The following STAC variants were observed in gnomAD, a reference collection of about 807,000 sequenced individuals.
STAC encodes SH3 and cysteine rich domain, also known as SH3 and cysteine-rich domain-containing protein.
Under a neutral mutation model 48.8 loss-of-function variants are expected in STAC, and 43 were observed. The observed-to-expected ratio is 0.88, with a 90% CI of 0.69 to 1.14. The LOEUF (loss-of-function observed/expected upper bound fraction) is 1.14, where lower values mean the gene tolerates loss of function less well. Ranked by LOEUF, STAC falls within the 50% of genes most tolerant of loss-of-function variation. The pLI is 0.00. For missense variants in STAC, 497 were observed against 504.0 expected, an observed-to-expected ratio of 0.99 and a Z score of 0.13; for synonymous variants, 193 against 179.5, an observed-to-expected ratio of 1.07 and a Z score of -0.60.
intron 1 of STAC, among the ~76,000 whole-genome samples, chr3:36,387,535 T>G (rs911787949): frequency 2.0e-5 from 3 of 152,106 alleles, no homozygotes; most frequent in African/African-American, 7.2e-5. Flanking sequence ...TTCCTTTTTA[T>G]CTATATGAAT....
intron 10 of STAC, 46 bp downstream of exon 10, chr3:36,529,031 T>G (rs1031372153): frequency 1.3e-6 from 2 of 1,529,884 alleles, no homozygotes; most frequent in African/African-American, 2.8e-5. Context: ...CCAAATAGGG[T>G]GTCATTTTAA....
chr3:36,491,562 G>T (rs1559511825), intron 5 of STAC, among the ~76,000 whole-genome samples: 1 of 151,894 alleles, frequency 6.6e-6, no homozygotes, highest in Non-Finnish European at 1.5e-5. Context: ...TTTCTGCTGT[G>T]TCATGATAGT....
chr3:36,467,274 A>G (rs1389929522), intron 2 of STAC, among the ~76,000 whole-genome samples: 1 of 152,050 alleles, frequency 6.6e-6, no homozygotes, highest in Non-Finnish European at 1.5e-5. Flanking sequence ...TTTTGCATCT[A>G]TATTCATCAG....
chr3:36,496,309 T>C (rs1018948753), intron 6 of STAC, among the ~76,000 whole-genome samples: 5 of 152,246 alleles, frequency 3.3e-5, no homozygotes, highest in Non-Finnish European at 7.3e-5. Flanking sequence ...GTCCTGTCCA[T>C]GCAGTTTGAG....
intron 1 of STAC, among the ~76,000 whole-genome samples, chr3:36,434,604 T>A (rs994060496): frequency 1.3e-5 from 2 of 152,192 alleles, no homozygotes; most frequent in Admixed American, 6.5e-5. Context: ...TGAGTTGATA[T>A]GGTGACTGTG....
At chr3:36,394,712 C>T (rs1699821186) in intron 1 of STAC, among the ~76,000 whole-genome samples, 1 of 151,972 alleles carries the variant, frequency 6.6e-6, no homozygotes, top group Non-Finnish European at 1.5e-5. Context: ...GCCTGGCCAA[C>T]ATGGCAAAAC....
chr3:36,386,740 A>T (rs9870425), intron 1 of STAC, among the ~76,000 whole-genome samples: 36,564 of 152,000 alleles, frequency 0.24, 5,480 homozygotes, highest in African/African-American at 0.43. Context: ...CTCTTTGTCT[A>T]ACCTTCTACC....
chr3:36,526,613 T>C (rs1191932298), intron 8 of STAC, among the ~76,000 whole-genome samples: 1 of 152,182 alleles, frequency 6.6e-6, no homozygotes, highest in Non-Finnish European at 1.5e-5. Context: ...ACAGCATTAC[T>C]GTGACAATAC....
intron 2 of STAC, among the ~76,000 whole-genome samples, chr3:36,481,832 C>T (rs1210523766): frequency 6.6e-6 from 1 of 152,138 alleles, no homozygotes; most frequent in East Asian, 1.9e-4. Context: ...ATGGGTATGG[C>T]CACAGCCATA....
At chr3:36,425,956 G>A (rs564080899) in intron 1 of STAC, among the ~76,000 whole-genome samples, 6 of 152,198 alleles carry the variant, frequency 3.9e-5, no homozygotes, top group African/African-American at 9.6e-5. Flanking sequence ...ACTGGAGCCC[G>A]GTGGGGCAGA....
intron 1 of STAC, among the ~76,000 whole-genome samples, chr3:36,398,973 G>C (rs993503942): frequency 2.0e-4 from 30 of 152,352 alleles, no homozygotes; most frequent in Non-Finnish European, 3.2e-4. Context: ...CAGCAGGAGA[G>C]AGGGCTGAAC....
At chr3:36,396,864 ACTG>A (rs1699867810) in intron 1 of STAC, among the ~76,000 whole-genome samples, 1 of 152,112 alleles carries the variant, frequency 6.6e-6, no homozygotes, top group Non-Finnish European at 1.5e-5. Context: ...ATGACTCTAT[ACTG>A]CTGTTCTCTC....
chr3:36,442,066 T>C (rs1476026195), intron 1 of STAC, among the ~76,000 whole-genome samples: 2 of 152,166 alleles, frequency 1.3e-5, no homozygotes, highest in African/African-American at 4.8e-5. Flanking sequence ...TCTGTGTCAG[T>C]GGGGATAGTG....
At chr3:36,523,916 C>G (rs1311631175) in intron 8 of STAC, among the ~76,000 whole-genome samples, 1 of 152,142 alleles carries the variant, frequency 6.6e-6, no homozygotes, top group Non-Finnish European at 1.5e-5. Context: ...AGAAAGGGTT[C>G]AGAAGAAAAC....
chr3:36,412,715 T>A (rs368947416), intron 1 of STAC, among the ~76,000 whole-genome samples: 1 of 152,298 alleles, frequency 6.6e-6, no homozygotes, highest in African/African-American at 2.4e-5. Context: ...CTACACACAC[T>A]CACTCACCTG....
At chr3:36,445,239 A>G (rs1289224325) in intron 2 of STAC, among the ~76,000 whole-genome samples, 1 of 152,228 alleles carries the variant, frequency 6.6e-6, no homozygotes, top group South Asian at 2.1e-4. Flanking sequence ...GAAAGACTCT[A>G]TTTTGAATAT....
At chr3:36,422,924 C>A (rs1158393236) in intron 1 of STAC, among the ~76,000 whole-genome samples, 1 of 152,024 alleles carries the variant, frequency 6.6e-6, no homozygotes, top group Non-Finnish European at 1.5e-5. Flanking sequence ...AAAGGATAAG[C>A]TGCTATAACA....
At chr3:36,435,944 C>G (rs142726247) in intron 1 of STAC, among the ~76,000 whole-genome samples, 32 of 152,312 alleles carry the variant, frequency 2.1e-4, no homozygotes, top group Middle Eastern at 3.4e-3. Context: ...TTCTTGTCCT[C>G]TAAATACTGG....
intron 2 of STAC, among the ~76,000 whole-genome samples, chr3:36,454,893 G>A (rs1179437304): frequency 1.3e-5 from 2 of 152,212 alleles, no homozygotes; most frequent in Non-Finnish European, 2.9e-5. Flanking sequence ...AGCTCATGAT[G>A]TTTGCAAGTG....
Sources: gnomAD v4.1 joint callset for allele counts (sites outside exome capture counted in the v4.1 genomes callset) on GRCh38, gnomAD v4.1.1 for gene constraint, MANE v1.5 for transcripts, NCBI Gene and HGNC (gene_info 2026-07-23, HGNC 2026-07-21) for gene names.